Variants in NCOR2 observed in about 807,000 individuals in gnomAD.
NCOR2 encodes CTG repeat protein 26.
In NCOR2, 81 loss-of-function variants were observed where a neutral mutation model predicts 262.9. The observed-to-expected ratio is 0.31, with a 90% CI of 0.26 to 0.37. The LOEUF (loss-of-function observed/expected upper bound fraction) is 0.37. Ranked by LOEUF, NCOR2 falls within the 10% of genes least tolerant of loss-of-function variation. The pLI is 1.00. For synonymous variants in NCOR2, 1,659 were observed against 1,559.3 expected (o/e 1.06, Z -1.51); for missense variants, 3,385 against 3,621.4 (o/e 0.93, Z 1.68).
chr12:124,488,959 G>A (rs1029373004), intron 1 of NCOR2, among the ~76,000 whole-genome samples: 7 of 151,826 alleles, frequency 4.6e-5, no homozygotes, highest in African/African-American at 1.7e-4. Context: ...CTTGGGTGCC[G>A]TTTCTGCCCA....
At chr12:124,532,198 T>C (rs2050831917) in intron 1 of NCOR2, among the ~76,000 whole-genome samples, 1 of 151,744 alleles carries the variant, frequency 6.6e-6, no homozygotes, top group African/African-American at 2.4e-5. Context: ...GGCCCTGAGG[T>C]CTGTCCCCCC....
rs966191932 is a variant in NCOR2 at position 124,389,655 on chromosome 12, C to T, written c.1877-3768G>A. ...GGCTGACCGAGCCCTCTGTCGGGGACTGTGGGTGGGCAGGGCTAGCCTCGC... is the reference window on the plus strand; with the variant it reads ...GGCTGACCGAGCCCTCTGTCGGGGATTGTGGGTGGGCAGGGCTAGCCTCGC... On this transcript the variant is annotated intron_variant, in intron 16 of 46. Transcript: ENST00000405201. The surrounding 1 kb of genome is among the most constrained non-coding windows in gnomAD (Gnocchi z 4.4). Among the ~76,000 whole-genome samples the T allele has an allele frequency of 2.0e-5, 3 of 152,210 alleles. No individual in the cohort carries two copies. In the East Asian group the frequency reaches 5.8e-4, roughly 29 times the overall value.
chr12:124,474,502 A>C (rs937864848), intron 3 of NCOR2, among the ~76,000 whole-genome samples: 7 of 152,156 alleles, frequency 4.6e-5, no homozygotes. Flanking sequence ...AGTCTGGTGC[A>C]CCCAGGCTGT....
exon 20 of NCOR2, chr12:124,372,212 C>G: frequency 6.2e-7 from 1 of 1,601,662 alleles, no homozygotes; most frequent in Non-Finnish European, 8.5e-7. Flanking sequence ...TTGGCCGGCC[C>G]CTCCTCGGCT....
chr12:124,348,618 C>T (rs2037145487), intron 28 of NCOR2: 2 of 443,350 alleles, frequency 4.5e-6, no homozygotes, highest in South Asian at 4.1e-5. Flanking sequence ...CCTGTGACCA[C>T]ATGAGCACGT....
intron 13 of NCOR2, among the ~76,000 whole-genome samples, chr12:124,404,068 C>T (rs1487462508): frequency 2.0e-5 from 3 of 152,256 alleles, no homozygotes; most frequent in Non-Finnish European, 4.4e-5. Flanking sequence ...CTCGAACCCT[C>T]AAACGTAACG....
chr12:124,352,610 C>T (rs2037587451), intron 27 of NCOR2, among the ~76,000 whole-genome samples: 1 of 152,150 alleles, frequency 6.6e-6, no homozygotes, highest in African/African-American at 2.4e-5. Flanking sequence ...CTCAAGCTAT[C>T]CTCCCACCTT....
intron 5 of NCOR2, among the ~76,000 whole-genome samples, chr12:124,464,760 T>C (rs747880906): frequency 6.6e-5 from 10 of 152,264 alleles, no homozygotes; most frequent in Non-Finnish European, 1.3e-4. Flanking sequence ...GTTTTAAAGC[T>C]GTGGAGCATG....
intron 32 of NCOR2, among the ~76,000 whole-genome samples, chr12:124,344,190 G>A (rs555480136): frequency 9.2e-5 from 14 of 152,372 alleles, no homozygotes; most frequent in Admixed American, 2.6e-4. Flanking sequence ...TGGGGAGGAC[G>A]AAGGAATCCG....
At chr12:124,507,535 C>G (rs2049116952) in intron 1 of NCOR2, among the ~76,000 whole-genome samples, 1 of 152,158 alleles carries the variant, frequency 6.6e-6, no homozygotes, top group South Asian at 2.1e-4. Flanking sequence ...GCGTCCAGGC[C>G]TTGTCTCTGG....
intron 1 of NCOR2, among the ~76,000 whole-genome samples, chr12:124,488,247 G>C (rs913013376): frequency 1.3e-5 from 2 of 152,206 alleles, no homozygotes; most frequent in Admixed American, 6.5e-5. Flanking sequence ...CGGGAGCCCA[G>C]AGGCCAGGAA....
At position 124,449,799 on chromosome 12, in the gene NCOR2, G is replaced by A; in HGVS notation, c.815+16C>T. ...CCTGCCTCTGTGTGTCTGCACGGCT[G>A]CCCGCGAGCACTCACATTTTGATGT... On this transcript the variant is annotated intron_variant, in intron 7 of 46. Transcript: ENST00000405201. 3.1e-6 allele frequency: 5 copies of A among 1,613,872 alleles called. No individual in the cohort carries two copies. Among genetic ancestry groups the A allele is most frequent in the Non-Finnish European group, 4.2e-6 (5 of 1,179,886 alleles).
At chr12:124,556,802 C>T (rs1230478258) in intron 1 of NCOR2, among the ~76,000 whole-genome samples, 3 of 151,180 alleles carry the variant, frequency 2.0e-5, no homozygotes, top group South Asian at 4.2e-4. Context: ...GCATGGAGAT[C>T]ATGCCACTGT....
chr12:124,325,691 C>T (rs533967291), intron 46 of NCOR2, 108 bp from the exon 49 acceptor site: 3 of 693,568 alleles, frequency 4.3e-6, no homozygotes, highest in Non-Finnish European at 6.3e-6. Context: ...TTCTGTCCAA[C>T]AGTCCTCCCA....
chr12:124,383,529 A>C, intron 17 of NCOR2: 1 of 723,400 alleles, frequency 1.4e-6, no homozygotes, highest in Non-Finnish European at 1.8e-6. Flanking sequence ...AAAACCTTCC[A>C]ACTCAAAAAA....
Position 124,566,148 on chromosome 12 carries a change from C to T in NCOR2, c.-165+1160G>A, listed in dbSNP as rs1420389368. ...TCCCCTCTTCCCTCCCTCACACATC[C>T]TTCCTCCAAATCTGCAAAAAGGGAA... On this transcript the variant is annotated intron_variant, in intron 1 of 32. Coordinates refer to the NCOR2 transcript ENST00000458234. This position sits in a 1 kb window ranked among gnomAD's most constrained non-coding sequence, Gnocchi z 4.3. Among the ~76,000 whole-genome samples, 1 of 152,112 alleles carries T rather than the reference C, an allele frequency of 6.6e-6. No homozygotes were observed. Among genetic ancestry groups the T allele is most frequent in the Non-Finnish European group, 1.5e-5 (1 of 68,024 alleles).
upstream of NCOR2, chr12:124,537,833 C>G (rs976581717): frequency 1.3e-5 from 2 of 152,308 alleles, no homozygotes; most frequent in East Asian, 1.9e-4. Flanking sequence ...CCAGCCACTT[C>G]TTTCCTGCCC....
intron 38 of NCOR2, 146 bp downstream of exon 40, chr12:124,336,607 G>A (rs1412253786): frequency 3.5e-5 from 51 of 1,464,070 alleles, no homozygotes; most frequent in Non-Finnish European, 4.0e-5. Flanking sequence ...TTTGGACCAC[G>A]AGACGGGGTG....
intron 13 of NCOR2, among the ~76,000 whole-genome samples, chr12:124,405,896 C>T (rs1339131634): frequency 2.6e-5 from 4 of 152,122 alleles, no homozygotes; most frequent in African/African-American, 4.8e-5. Flanking sequence ...CTGGGCTTCC[C>T]GGGCCACTGG....
Sources: allele counts gnomAD v4.1 joint callset (sites outside exome capture counted in the v4.1 genomes callset), GRCh38; gene constraint gnomAD v4.1.1; non-coding constraint Gnocchi (gnomAD v3.1); transcripts MANE v1.5; gene names NCBI Gene and HGNC (gene_info 2026-07-23, HGNC 2026-07-21).